C3orf20: variants seen among roughly 807,000 people sequenced by gnomAD.
C3orf20 encodes family with sequence similarity 149 member C.
Under a neutral mutation model 88.3 loss-of-function variants are expected in C3orf20, and 76 were observed. The ratio of observed to expected loss-of-function variants is 0.86; its 90% CI spans 0.72 to 1.04. The LOEUF (loss-of-function observed/expected upper bound fraction) is 1.04, where lower values mean the gene tolerates loss of function less well. Ranked by LOEUF, C3orf20 falls within the 50% of genes least tolerant of loss-of-function variation. The probability of loss-of-function intolerance (pLI) is 0.00; values close to 1 mark genes in which losing one functional copy is unlikely to be tolerated. For missense variants in C3orf20, 1,056 were observed against 1,123.3 expected (o/e 0.94, Z 0.86); for synonymous variants, 436 against 437.4 (o/e 1.00, Z 0.04).
intron 12 of C3orf20, among the ~76,000 whole-genome samples, chr3:14,733,442 G>A (rs1302737105): frequency 6.6e-6 from 1 of 152,134 alleles, no homozygotes; most frequent in Non-Finnish European, 1.5e-5. Context: ...GTTATGGTCA[G>A]AAGTATTTCT....
At chr3:14,747,053 CAA>C (rs1487376244) in intron 12 of C3orf20, among the ~76,000 whole-genome samples, 2 of 152,170 alleles carry the variant, frequency 1.3e-5, no homozygotes, top group African/African-American at 4.8e-5. Context: ...TGAATTAAAG[CAA>C]AGAGTGGCAA....
At chr3:14,716,298 C>A (rs1300262972) in intron 9 of C3orf20, among the ~76,000 whole-genome samples, 2 of 152,306 alleles carry the variant, frequency 1.3e-5, no homozygotes, top group South Asian at 2.1e-4. Context: ...AGGGTAGACA[C>A]AGATTCAAGA....
Position 14,728,607 on chromosome 3 carries a change from T to C in C3orf20, c.1859T>C (p.Leu620Ser), listed in dbSNP as rs757388472. The change falls in exon 12 of 17, where the codon TTG becomes TCG. Residue 620 changes from leucine to serine, a missense_variant. Transcript: ENST00000253697. ...GHLESSIAET[L>S]KDEPESAPVS... is the part of the protein sequence containing the mutation. ...CTGGAATCCTCAATTGCAGAGACTT[T>C]GAAGGATGAGCCTGAGTCTGCTCCT... 1.9e-6 allele frequency: 3 copies of C among 1,614,116 alleles called. No individual in the cohort carries two copies. The South Asian group carries it at 3.3e-5, about 18-fold the overall frequency.
At chr3:14,712,121 A>C (rs771607420) in intron 7 of C3orf20, among the ~76,000 whole-genome samples, 8 of 151,978 alleles carry the variant, frequency 5.3e-5, no homozygotes, top group Non-Finnish European at 1.0e-4. Context: ...GCCCTACTGC[A>C]ATGACTGGTG....
chr3:14,753,069 C>G (rs926801056), intron 12 of C3orf20, among the ~76,000 whole-genome samples: 2 of 152,190 alleles, frequency 1.3e-5, no homozygotes, highest in Admixed American at 6.5e-5. Context: ...TTCACAATAG[C>G]AAAGGCTTGG....
intron 7 of C3orf20, among the ~76,000 whole-genome samples, chr3:14,713,713 C>T (rs62233797): frequency 0.22 from 33,362 of 152,080 alleles, 3,988 homozygotes; most frequent in South Asian, 0.36. Context: ...GAAAGTTCCA[C>T]GTCTCAGGAA....
chr3:14,721,658 TGAGG>T lies in C3orf20; in HGVS notation c.1441_1444del (p.Glu481LysfsTer2). On this transcript the variant is annotated frameshift_variant, in exon 10 of 17. Coordinates refer to ENST00000253697, the MANE Select transcript of C3orf20 (RefSeq NM_032137.5). LOFTEE classifies it high-confidence loss of function. Reference sequence around the variant, plus strand: ...TACTGTTTCTTCATCTACAGGTGAATGAGGAAATGAAACTAAAGGTACTGGGACA... The same window carrying T: ...TACTGTTTCTTCATCTACAGGTGAATAAATGAAACTAAAGGTACTGGGACA... 6.2e-7 allele frequency: 1 copy of T among 1,614,076 alleles called. No individual in the cohort carries two copies. The highest frequency in any genetic ancestry group is 8.5e-7 in the Non-Finnish European group (1 of 1,179,994).
At chr3:14,758,452 A>G (rs2125033057) in intron 13 of C3orf20, among the ~76,000 whole-genome samples, 1 of 152,212 alleles carries the variant, frequency 6.6e-6, no homozygotes, top group Middle Eastern at 3.4e-3. Context: ...GGCTTATGTA[A>G]TCCTCCAAGC....
At chr3:14,740,691 C>CT (rs933532148) in intron 12 of C3orf20, among the ~76,000 whole-genome samples, 8 of 151,526 alleles carry the variant, frequency 5.3e-5, no homozygotes, top group East Asian at 3.9e-4. Flanking sequence ...TATATTTCAT[C>CT]TTTTTTTTTC....
chr3:14,725,932 G>A lies in C3orf20; in HGVS notation c.1567-969G>A, dbSNP rs1450466892. ...AGGACAGGAAGGGACATGTGTGAAA[G>A]TTCAGCAGAGGGAGCAGTTGCTGTT... On this transcript the variant is annotated intron_variant, in intron 10 of 16. Transcript: ENST00000253697. Among the ~76,000 whole-genome samples, 4 of 152,110 alleles carry A rather than the reference G, an allele frequency of 2.6e-5. No homozygotes were observed. In the East Asian group the frequency reaches 7.7e-4, roughly 29 times the overall value.
intron 12 of C3orf20, among the ~76,000 whole-genome samples, chr3:14,749,271 G>C (rs1234524204): frequency 6.6e-6 from 1 of 152,044 alleles, no homozygotes; most frequent in Non-Finnish European, 1.5e-5. Context: ...AACCACTCCT[G>C]GTTATTTTTT....
At chr3:14,760,142 C>T in intron 14 of C3orf20, 144 bp downstream of exon 14, 2 of 694,344 alleles carry the variant, frequency 2.9e-6, no homozygotes, top group Non-Finnish European at 2.5e-6. Flanking sequence ...GTGGCTGAGG[C>T]CCAGAGAGCA....
At chr3:14,689,435 G>C (rs2032603361) in intron 4 of C3orf20, among the ~76,000 whole-genome samples, 1 of 152,092 alleles carries the variant, frequency 6.6e-6, no homozygotes, top group African/African-American at 2.4e-5. Flanking sequence ...CTATATTTGG[G>C]GGAAGAATAA....
At chr3:14,746,073 G>A (rs906379752) in intron 12 of C3orf20, among the ~76,000 whole-genome samples, 1 of 152,096 alleles carries the variant, frequency 6.6e-6, no homozygotes, top group African/African-American at 2.4e-5. Flanking sequence ...TACATAAAGG[G>A]AATCATACTG....
intron 8 of C3orf20, 87 bp from the exon 9 acceptor site, chr3:14,715,201 CT>C (rs2033893132): frequency 6.6e-7 from 1 of 1,515,836 alleles, no homozygotes; most frequent in Non-Finnish European, 8.9e-7. Flanking sequence ...GGGACTGAGT[CT>C]TACAGACCTG....
intron 12 of C3orf20, among the ~76,000 whole-genome samples, chr3:14,737,649 G>T (rs182757987): frequency 3.2e-4 from 49 of 152,356 alleles, no homozygotes; most frequent in African/African-American, 1.1e-3. Context: ...GTTGCTGAAG[G>T]TTAGAGTGGC....
intron 15 of C3orf20, 125 bp from the exon 16 acceptor site, chr3:14,771,942 C>T (rs924503169): frequency 2.4e-6 from 3 of 1,253,898 alleles, no homozygotes; most frequent in Admixed American, 2.2e-5. Context: ...CAGAGTCTCC[C>T]TTCGCTGCCC....
intron 12 of C3orf20, among the ~76,000 whole-genome samples, chr3:14,734,088 A>T (rs1019413524): frequency 6.6e-6 from 1 of 152,008 alleles, no homozygotes; most frequent in Non-Finnish European, 1.5e-5. Context: ...TTATTTTTGC[A>T]ATTTTTCTTT....
At chr3:14,764,782 G>C (rs2035657596) in intron 15 of C3orf20, among the ~76,000 whole-genome samples, 1 of 152,174 alleles carries the variant, frequency 6.6e-6, no homozygotes. Context: ...AGCTTCCCAG[G>C]AAAGGGCCAG....
Sources: gnomAD v4.1 joint callset for allele counts (sites outside exome capture counted in the v4.1 genomes callset) on GRCh38, gnomAD v4.1.1 for gene constraint, MANE v1.5 for transcripts, NCBI Gene and HGNC (gene_info 2026-07-23, HGNC 2026-07-21) for gene names.